Variants in IGF1R observed in about 807,000 individuals in gnomAD.
IGF1R encodes the protein insulin-like growth factor 1 receptor.
In IGF1R, 44 loss-of-function variants were observed where a neutral mutation model predicts 144.6. That is an observed-to-expected ratio of 0.30 (90% confidence interval 0.24 to 0.39). The LOEUF (loss-of-function observed/expected upper bound fraction) is 0.39, where lower values mean the gene tolerates loss of function less well. Ranked by LOEUF, IGF1R falls within the 10% of genes least tolerant of loss-of-function variation. The pLI is 1.00. For synonymous variants in IGF1R, 795 were observed against 722.8 expected, an observed-to-expected ratio of 1.10 and a Z score of -1.60; for missense variants, 1,355 against 1,833.7, an observed-to-expected ratio of 0.74 and a Z score of 4.77.
chr15:98,865,504 G>A (rs940513279), intron 2 of IGF1R, among the ~76,000 whole-genome samples: 6 of 152,298 alleles, frequency 3.9e-5, no homozygotes, highest in South Asian at 2.1e-4. Context: ...CACGCCCACC[G>A]TCCCTCACGT....
intron 2 of IGF1R, among the ~76,000 whole-genome samples, chr15:98,833,519 T>G (rs2057039383): frequency 6.6e-6 from 1 of 152,248 alleles, no homozygotes; most frequent in Admixed American, 6.5e-5. Context: ...AATGGCTCCA[T>G]TTTTGAATGG....
At position 98,962,727 on chromosome 15, in the gene IGF1R, G is replaced by A. The variant is rs2017273921; in HGVS notation, c.*5285G>A. 1 of 233,592 alleles carries A rather than the reference G, an allele frequency of 4.3e-6. No individual in the cohort carries two copies. 14.5% of individuals were successfully genotyped at this position (233,592 alleles called of 1,614,324 possible). The stretch of plus-strand genomic sequence containing the variant: ...TTGGAAGGAATGTGGGCAAGGTTTT[G>A]AACTTGATTGTTCTTGAAGCTATCA... On this transcript the variant is annotated 3_prime_UTR_variant, in exon 21 of 21. Coordinates refer to ENST00000650285, the MANE Select transcript of IGF1R (RefSeq NM_000875.5).
At chr15:98,770,830 G>A (rs1049552997) in intron 2 of IGF1R, among the ~76,000 whole-genome samples, 1 of 152,142 alleles carries the variant, frequency 6.6e-6, no homozygotes, top group African/African-American at 2.4e-5. Flanking sequence ...GGAATCCTGA[G>A]TGTCCACCAT....
chr15:98,801,688 C>G (rs1278858498), intron 2 of IGF1R, among the ~76,000 whole-genome samples: 1 of 152,204 alleles, frequency 6.6e-6, no homozygotes, highest in East Asian at 1.9e-4. Flanking sequence ...GGCATTGTAG[C>G]TATGTGTATG....
At chr15:98,860,218 C>T (rs2012073449) in intron 2 of IGF1R, among the ~76,000 whole-genome samples, 1 of 152,228 alleles carries the variant, frequency 6.6e-6, no homozygotes, top group Admixed American at 6.5e-5. Flanking sequence ...AACATTTAGG[C>T]CAATTTCAGT....
At chr15:98,886,638 T>C (rs2013657014) in intron 2 of IGF1R, among the ~76,000 whole-genome samples, 1 of 152,202 alleles carries the variant, frequency 6.6e-6, no homozygotes, top group Non-Finnish European at 1.5e-5. Context: ...GCGCCGTAAT[T>C]GGAAATTTGG....
intron 2 of IGF1R, among the ~76,000 whole-genome samples, chr15:98,830,600 A>G (rs1596339199): frequency 7.3e-6 from 1 of 137,308 alleles, no homozygotes; most frequent in South Asian, 2.2e-4. Context: ...ACATCTGATC[A>G]TCATCTTTTT....
At position 98,649,624 on chromosome 15, in the gene IGF1R, G is replaced by A. The variant is rs770977775; in HGVS notation, c.43G>A (p.Gly15Arg). 10 of 1,609,894 alleles carry A rather than the reference G, an allele frequency of 6.2e-6. No homozygotes were observed. In the East Asian group the frequency reaches 2.0e-4, roughly 32 times the overall value. The change falls in exon 1 of 21, where the codon GGG becomes AGG. Residue 15 changes from glycine (G) to arginine (R), a missense_variant. Physicochemically the swap from Gly to Arg is moderately radical, Grantham distance 125. Coordinates refer to ENST00000650285, the MANE Select transcript of IGF1R (RefSeq NM_000875.5). ...AGGAGGGTCCCCGACCTCGCTGTGG[G>A]GGCTCCTGTTTCTCTCCGCCGCGCT... ...SGGGSPTSLW[G>R]LLFLSAALSL...
At position 98,964,391 on chromosome 15, in the gene IGF1R, C is replaced by G; in HGVS notation, c.*6949C>G. 1 of 230,358 alleles carries G rather than the reference C, an allele frequency of 4.3e-6. No individual in the cohort carries two copies. The highest frequency in any genetic ancestry group is 8.6e-6 in the Non-Finnish European group (1 of 116,120). 14.3% of individuals were successfully genotyped at this position (230,358 alleles called of 1,614,324 possible). On this transcript the variant is annotated 3_prime_UTR_variant, in exon 21 of 21. Transcript: ENST00000650285. ...AATTTATTCCTGTTATTGCGATATACTCTGGATTCTTTACATAATGGAAAA... is the reference window on the plus strand; with the variant it reads ...AATTTATTCCTGTTATTGCGATATAGTCTGGATTCTTTACATAATGGAAAA...
intron 2 of IGF1R, among the ~76,000 whole-genome samples, chr15:98,853,862 G>A (rs1320874554): frequency 6.6e-6 from 1 of 152,168 alleles, no homozygotes; most frequent in African/African-American, 2.4e-5. Context: ...AATGTAAGGC[G>A]TGGCCTGGGT....
intron 1 of IGF1R, among the ~76,000 whole-genome samples, chr15:98,651,864 C>T (rs2052375750): frequency 6.6e-6 from 1 of 151,638 alleles, no homozygotes; most frequent in African/African-American, 2.4e-5. Context: ...TCAGTACCTG[C>T]CCCTCCCTCC....
At chr15:98,798,250 G>A (rs1040366126) in intron 2 of IGF1R, among the ~76,000 whole-genome samples, 3 of 152,082 alleles carry the variant, frequency 2.0e-5, no homozygotes, top group Non-Finnish European at 4.4e-5. Flanking sequence ...TTTTTACGTA[G>A]GGTATTCAGA....
At chr15:98,804,195 G>A (rs1473334260) in intron 2 of IGF1R, among the ~76,000 whole-genome samples, 1 of 152,192 alleles carries the variant, frequency 6.6e-6, no homozygotes, top group Non-Finnish European at 1.5e-5. Flanking sequence ...GGAGGGAATG[G>A]AAGAACACTG....
chr15:98,655,486 T>C (rs2052463920), intron 1 of IGF1R, among the ~76,000 whole-genome samples: 1 of 152,284 alleles, frequency 6.6e-6, no homozygotes, highest in Non-Finnish European at 1.5e-5. Flanking sequence ...AACTGAGAAA[T>C]AGTCGTTTTC....
At chr15:98,778,405 T>A (rs917892259) in intron 2 of IGF1R, among the ~76,000 whole-genome samples, 3 of 152,216 alleles carry the variant, frequency 2.0e-5, no homozygotes, top group Non-Finnish European at 2.9e-5. Context: ...ACTCATTCTG[T>A]TATTCATGTC....
intron 2 of IGF1R, among the ~76,000 whole-genome samples, chr15:98,753,421 C>T (rs1418187412): frequency 9.6e-6 from 1 of 104,668 alleles, no homozygotes; most frequent in Non-Finnish European, 1.8e-5. Flanking sequence ...TTTGTAGAGA[C>T]GGGGTCATTC....
intron 7 of IGF1R, among the ~76,000 whole-genome samples, chr15:98,911,962 A>G (rs1407528087): frequency 6.6e-6 from 1 of 152,192 alleles, no homozygotes; most frequent in Non-Finnish European, 1.5e-5. Flanking sequence ...TGGAGAGAGA[A>G]CAACCTTCAT....
chr15:98,875,542 T>C (rs2013019409), intron 2 of IGF1R, among the ~76,000 whole-genome samples: 1 of 152,182 alleles, frequency 6.6e-6, no homozygotes, highest in Admixed American at 6.5e-5. Flanking sequence ...GTTATGTGTA[T>C]GAACTTTTTT....
chr15:98,681,452 T>A (rs2141214465), intron 1 of IGF1R, among the ~76,000 whole-genome samples: 1 of 152,316 alleles, frequency 6.6e-6, no homozygotes, highest in Non-Finnish European at 1.5e-5. Context: ...AGAAAATGCT[T>A]ACCTATTTGG....
Sources: allele counts gnomAD v4.1 joint callset (sites outside exome capture counted in the v4.1 genomes callset), GRCh38; gene constraint gnomAD v4.1.1; transcripts MANE v1.5; gene names NCBI Gene and HGNC (gene_info 2026-07-23, HGNC 2026-07-21).